The following AK8 variants were observed in gnomAD, a reference collection of about 807,000 sequenced individuals.
AK8 encodes the protein adenylate kinase 8.
AK8 carries 44 observed loss-of-function variants against 54.6 expected under a neutral mutation model. The observed-to-expected ratio is 0.81, with a 90% confidence interval of 0.63 to 1.04. The LOEUF (loss-of-function observed/expected upper bound fraction) is 1.04, where lower values mean the gene tolerates loss of function less well. Ranked by LOEUF, AK8 falls within the 50% of genes least tolerant of loss-of-function variation. The pLI is 0.00. For missense variants in AK8, 555 were observed against 613.6 expected (o/e 0.90, Z 1.01); for synonymous variants, 239 against 245.6 (o/e 0.97, Z 0.25).
chr9:132,837,826 C>T lies in AK8; in HGVS notation c.403-9100G>A, dbSNP rs1293717729. ...AGGAGGTGTGCTCACTGTGCTGTGC[C>T]CGGCACCTCACCAAGCCCTCAGAAG... On this transcript the variant is annotated intron_variant, in intron 5 of 12. Coordinates refer to ENST00000298545, the MANE Select transcript of AK8 (RefSeq NM_152572.3). This position sits in a 1 kb window ranked among gnomAD's most constrained non-coding sequence, Gnocchi z 4.3. Among the ~76,000 whole-genome samples, 1 of 152,214 alleles carries T rather than the reference C, an allele frequency of 6.6e-6. No homozygotes were observed. The highest frequency in any genetic ancestry group is 1.5e-5 in the Non-Finnish European group (1 of 68,042).
chr9:132,871,074 C>T (rs558694111), intron 2 of AK8, among the ~76,000 whole-genome samples: 2 of 152,206 alleles, frequency 1.3e-5, no homozygotes, highest in South Asian at 2.1e-4. Flanking sequence ...GGTGAAACCC[C>T]GTCTCTACTA....
At chr9:132,854,552 C>T (rs1175711689) in intron 5 of AK8, among the ~76,000 whole-genome samples, 2 of 152,258 alleles carry the variant, frequency 1.3e-5, no homozygotes, top group East Asian at 1.9e-4. Context: ...CTCACCATCA[C>T]TTGTCGGTTG....
chr9:132,775,485 T>C (rs1414586159), intron 11 of AK8, among the ~76,000 whole-genome samples: 4 of 152,090 alleles, frequency 2.6e-5, no homozygotes, highest in Non-Finnish European at 5.9e-5. Context: ...GTATTTTTAG[T>C]ACAGATGGGG....
intron 11 of AK8, among the ~76,000 whole-genome samples, chr9:132,738,076 C>CA (rs1837200976): frequency 1.3e-5 from 2 of 149,138 alleles, no homozygotes; most frequent in African/African-American, 2.5e-5. Flanking sequence ...TTTTTTGAGA[C>CA]AGAGTCTCAC....
At chr9:132,737,304 T>C (rs530262122) in intron 11 of AK8, among the ~76,000 whole-genome samples, 2 of 152,260 alleles carry the variant, frequency 1.3e-5, no homozygotes, top group East Asian at 3.9e-4. Context: ...CAATGAACCA[T>C]ATGACAGTAT....
chr9:132,762,882 AAAAAGAAAAAG>A (rs1838550171), intron 11 of AK8, among the ~76,000 whole-genome samples: 1 of 152,168 alleles, frequency 6.6e-6, no homozygotes, highest in South Asian at 2.1e-4. Flanking sequence ...ATCTCAAAAG[AAAAAGAAAAAG>A]AAAAGAAAAA....
intron 11 of AK8, among the ~76,000 whole-genome samples, chr9:132,733,698 C>T (rs982067101): frequency 2.0e-5 from 3 of 152,236 alleles, no homozygotes; most frequent in East Asian, 1.9e-4. Context: ...GCCCAGGCCA[C>T]GCTGCTGAGA....
chr9:132,774,293 A>G (rs1839111999), intron 11 of AK8, among the ~76,000 whole-genome samples: 1 of 152,192 alleles, frequency 6.6e-6, no homozygotes, highest in Non-Finnish European at 1.5e-5. Context: ...GAATCTGCAG[A>G]AATCTCAAAG....
chr9:132,794,469 T>C (rs1840070255), intron 10 of AK8, among the ~76,000 whole-genome samples: 1 of 152,182 alleles, frequency 6.6e-6, no homozygotes, highest in African/African-American at 2.4e-5. Flanking sequence ...CACGGTGTGA[T>C]GTTCCCTCCC....
intron 2 of AK8, among the ~76,000 whole-genome samples, chr9:132,873,769 C>G (rs1462328138): frequency 6.6e-6 from 1 of 152,100 alleles, no homozygotes; most frequent in South Asian, 2.1e-4. Flanking sequence ...CCTCCACTGG[C>G]AAATGGAGTC....
chr9:132,863,630 T>C, intron 4 of AK8, 35 bp downstream of exon 4: 1 of 1,480,618 alleles, frequency 6.8e-7, no homozygotes, highest in South Asian at 1.1e-5. Flanking sequence ...GCACTGCTGC[T>C]GTGTGCCTAC....
chr9:132,846,617 C>T (rs893618963), intron 5 of AK8, among the ~76,000 whole-genome samples: 2 of 152,184 alleles, frequency 1.3e-5, no homozygotes, highest in African/African-American at 4.8e-5. Flanking sequence ...GGCTTTTGGT[C>T]ACGACTCTAG....
At chr9:132,808,462 T>C (rs1024697906) in intron 10 of AK8, among the ~76,000 whole-genome samples, 5 of 152,164 alleles carry the variant, frequency 3.3e-5, no homozygotes, top group African/African-American at 1.2e-4. Flanking sequence ...CCTGGGGTCC[T>C]TTGCCCAGTA....
chr9:132,783,290 G>A (rs1401645980), intron 11 of AK8, among the ~76,000 whole-genome samples: 1 of 152,198 alleles, frequency 6.6e-6, no homozygotes. Flanking sequence ...GAAGGTGGAA[G>A]AGGCAAGGAA....
At chr9:132,753,028 T>C (rs541514071) in intron 11 of AK8, among the ~76,000 whole-genome samples, 133 of 152,316 alleles carry the variant, frequency 8.7e-4, no homozygotes, top group Non-Finnish European at 1.7e-3. Context: ...CTACAATAAA[T>C]ACTTCTGGAG....
At chr9:132,772,906 C>G (rs1839047011) in intron 11 of AK8, among the ~76,000 whole-genome samples, 1 of 152,214 alleles carries the variant, frequency 6.6e-6, no homozygotes, top group African/African-American at 2.4e-5. Flanking sequence ...TGGCACCTCT[C>G]ACCTGGATTA....
chr9:132,727,052 T>C (rs192111470), intron 12 of AK8, among the ~76,000 whole-genome samples: 1 of 152,156 alleles, frequency 6.6e-6, no homozygotes, highest in African/African-American at 2.4e-5. Context: ...CCTGTAACTA[T>C]GGGAAGCCTC....
intron 11 of AK8, among the ~76,000 whole-genome samples, chr9:132,746,186 C>CAA (rs10672378): frequency 0.82 from 124,669 of 151,984 alleles, 51,239 homozygotes; most frequent in Admixed American, 0.89. Context: ...GCTTCCAAGC[C>CAA]AGTCTGGCAT....
chr9:132,735,703 A>G (rs1455155749), intron 11 of AK8, among the ~76,000 whole-genome samples: 1 of 152,234 alleles, frequency 6.6e-6, no homozygotes, highest in Non-Finnish European at 1.5e-5. Flanking sequence ...CAGCAGTACC[A>G]CTTCGGAGGA....
Sources: allele counts gnomAD v4.1 joint callset (sites outside exome capture counted in the v4.1 genomes callset), GRCh38; gene constraint gnomAD v4.1.1; non-coding constraint Gnocchi (gnomAD v3.1); transcripts MANE v1.5; gene names NCBI Gene and HGNC (gene_info 2026-07-23, HGNC 2026-07-21).